Variants in FMN1 observed in about 807,000 individuals in gnomAD.
FMN1 encodes the protein formin-1.
A neutral mutation model predicts 132.4 loss-of-function variants in FMN1; 110 were observed. The observed-to-expected ratio is 0.83, with a 90% CI of 0.71 to 0.97. The LOEUF (loss-of-function observed/expected upper bound fraction) is 0.97, where lower values mean the gene tolerates loss of function less well. Ranked by LOEUF, FMN1 falls within the 50% of genes least tolerant of loss-of-function variation. The pLI is 0.00. For missense variants in FMN1, 1,792 were observed against 1,705.3 expected, an observed-to-expected ratio of 1.05 and a Z score of -0.90; for synonymous variants, 722 against 651.7, an observed-to-expected ratio of 1.11 and a Z score of -1.64.
chr15:32,777,213 A>G (rs921897997), intron 19 of FMN1, among the ~76,000 whole-genome samples: 1 of 152,090 alleles, frequency 6.6e-6, no homozygotes, highest in Non-Finnish European at 1.5e-5. Context: ...TGCACAGAGC[A>G]TTATTTACTT....
chr15:32,805,318 G>A (rs981168198), intron 17 of FMN1, among the ~76,000 whole-genome samples: 1 of 152,188 alleles, frequency 6.6e-6, no homozygotes, highest in African/African-American at 2.4e-5. Flanking sequence ...TTTGAGAAGT[G>A]TCTGTTCATA....
chr15:32,987,381 G>A (rs914242313), intron 7 of FMN1, among the ~76,000 whole-genome samples: 2 of 152,288 alleles, frequency 1.3e-5, no homozygotes, highest in East Asian at 1.9e-4. Context: ...ATCCATGCCA[G>A]TCATGTACTC....
intron 15 of FMN1, among the ~76,000 whole-genome samples, chr15:32,888,812 A>G: frequency 6.7e-6 from 1 of 149,044 alleles, no homozygotes; most frequent in Admixed American, 6.6e-5. Flanking sequence ...GTGTGCATGC[A>G]TGATCAGATT....
intron 5 of FMN1, among the ~76,000 whole-genome samples, chr15:33,084,815 ACAC>A (rs2038625885): frequency 6.6e-6 from 1 of 152,172 alleles, no homozygotes; most frequent in African/African-American, 2.4e-5. Flanking sequence ...TGTAGCCTTA[ACAC>A]CAGTGTCCAT....
intron 9 of FMN1, among the ~76,000 whole-genome samples, chr15:32,950,123 C>G (rs1442976281): frequency 7.6e-6 from 1 of 130,780 alleles, no homozygotes; most frequent in Non-Finnish European, 1.6e-5. Flanking sequence ...AAATGCAAAT[C>G]AAAACCACAA....
chr15:33,051,488 T>C lies in FMN1; in HGVS notation c.2161+13469A>G, dbSNP rs546800623. 6.4e-3 allele frequency among the ~76,000 whole-genome samples: 569 copies of C among 88,364 alleles called. 7 individuals are homozygous for C. The highest frequency in any genetic ancestry group is 0.023 in the African/African-American group (546 of 23,356). 58.0% of individuals were successfully genotyped at this position (88,364 alleles called of 152,430 possible). ...GCAACCATCAGGTGATAGGTGGTTG[T>C]GACAGTGCCGCTCTAATAATTGGTC... On this transcript the variant is annotated intron_variant, in intron 6 of 20. Transcript: ENST00000616417.
At chr15:32,908,378 TTG>T in intron 12 of FMN1, 110 bp downstream of exon 12, 1 of 687,828 alleles carries the variant, frequency 1.5e-6, no homozygotes, top group African/African-American at 1.8e-5. Context: ...AATGACGGTG[TTG>T]TGATTTAGCT....
At chr15:33,002,914 G>A (rs768371896) in intron 7 of FMN1, among the ~76,000 whole-genome samples, 5 of 152,100 alleles carry the variant, frequency 3.3e-5, no homozygotes, top group Admixed American at 6.6e-5. Context: ...TTCAACATAC[G>A]AAAATCAATA....
intron 9 of FMN1, among the ~76,000 whole-genome samples, chr15:32,960,230 G>T (rs1210250057): frequency 2.0e-5 from 3 of 152,162 alleles, no homozygotes; most frequent in African/African-American, 2.4e-5. Context: ...CAACATGGCA[G>T]CAGGAGAGAG....
At chr15:33,099,594 G>C (rs1428841273) in intron 4 of FMN1, among the ~76,000 whole-genome samples, 1 of 152,194 alleles carries the variant, frequency 6.6e-6, no homozygotes, top group Non-Finnish European at 1.5e-5. Context: ...TGATGGTACA[G>C]TGCCGTTCTT....
intron 3 of FMN1, among the ~76,000 whole-genome samples, chr15:33,157,282 T>A (rs1267673147): frequency 1.4e-5 from 2 of 138,364 alleles, no homozygotes; most frequent in Admixed American, 7.3e-5. Context: ...AAAAAAAAAA[T>A]TCAGAATCTG....
intron 6 of FMN1, among the ~76,000 whole-genome samples, chr15:33,045,114 A>T (rs956148916): frequency 6.6e-6 from 1 of 152,210 alleles, no homozygotes; most frequent in Non-Finnish European, 1.5e-5. Flanking sequence ...CCAAGATTCC[A>T]GGTGCCACCG....
chr15:32,984,314 TA>T (rs1010606805), intron 7 of FMN1, among the ~76,000 whole-genome samples: 2 of 152,188 alleles, frequency 1.3e-5, no homozygotes, highest in Non-Finnish European at 2.9e-5. Context: ...TTCTTAGTTT[TA>T]AAGAACACCA....
intron 9 of FMN1, among the ~76,000 whole-genome samples, chr15:32,962,321 CA>C (rs1467527330): frequency 6.6e-6 from 1 of 152,038 alleles, no homozygotes; most frequent in Non-Finnish European, 1.5e-5. Flanking sequence ...CCCTTCCTTA[CA>C]CTTTATACAA....
chr15:33,087,919 T>TA (rs1411646834), intron 5 of FMN1, among the ~76,000 whole-genome samples: 1 of 152,086 alleles, frequency 6.6e-6, no homozygotes, highest in African/African-American at 2.4e-5. Context: ...GCAAACTGGG[T>TA]AAAATCGGAG....
intron 10 of FMN1, among the ~76,000 whole-genome samples, chr15:32,917,839 T>TAG (rs1432296986): frequency 6.6e-6 from 1 of 152,122 alleles, no homozygotes; most frequent in Non-Finnish European, 1.5e-5. Context: ...GAAACCAGGG[T>TAG]CTCTAAATGG....
rs2037843 is a variant in FMN1, at chr15:32,773,398, C to G, written c.*912G>C. On this transcript the variant is annotated 3_prime_UTR_variant, in exon 21 of 21. Transcript: ENST00000616417. ...CCAGCTGCACAGTCACAGCACATAACGTAGAACTCGGCTGCGTATCAACAC... is the reference window on the plus strand; with the variant it reads ...CCAGCTGCACAGTCACAGCACATAAGGTAGAACTCGGCTGCGTATCAACAC... 2 of 152,036 alleles carry G rather than the reference C, an allele frequency of 1.3e-5. No individual in the cohort carries two copies. The highest frequency in any genetic ancestry group is 2.9e-5 in the Non-Finnish European group (2 of 68,064). 9.4% of individuals were successfully genotyped at this position (152,036 alleles called of 1,614,324 possible).
intron 15 of FMN1, among the ~76,000 whole-genome samples, chr15:32,889,579 T>TA (rs2059976560): frequency 6.6e-6 from 1 of 152,200 alleles, no homozygotes; most frequent in African/African-American, 2.4e-5. Flanking sequence ...CTCTTGCTTC[T>TA]AGGCCTTTGT....
intron 7 of FMN1, among the ~76,000 whole-genome samples, chr15:33,006,086 C>T (rs905673082): frequency 1.1e-4 from 16 of 151,966 alleles, no homozygotes; most frequent in Admixed American, 5.2e-4. Flanking sequence ...TCCAATACAC[C>T]GACTCAGTTA....
Sources: gnomAD v4.1 joint callset for allele counts (sites outside exome capture counted in the v4.1 genomes callset) on GRCh38, gnomAD v4.1.1 for gene constraint, MANE v1.5 for transcripts, NCBI Gene and HGNC (gene_info 2026-07-23, HGNC 2026-07-21) for gene names.